CSMD1: variants seen among roughly 807,000 people sequenced by gnomAD.
CSMD1 encodes CUB and Sushi multiple domains 1, also known as CUB and sushi domain-containing protein 1.
CSMD1 carries 213 observed loss-of-function variants against 417.5 expected under a neutral mutation model. The ratio of observed to expected loss-of-function variants is 0.51; its 90% CI spans 0.46 to 0.57. CSMD1 has a LOEUF of 0.57. Among genes scored for constraint, CSMD1 ranks in the 20% least tolerant of loss-of-function variants. The probability of loss-of-function intolerance (pLI) is 0.00; values close to 1 mark genes in which losing one functional copy is unlikely to be tolerated. For missense variants in CSMD1, 6,923 were observed against 4,529.7 expected (o/e 1.53, Z -15.17); for synonymous variants, 2,862 against 1,736.8 (o/e 1.65, Z -16.11).
At chr8:4,115,473 G>C (rs1157185911) in intron 3 of CSMD1, among the ~76,000 whole-genome samples, 1 of 152,002 alleles carries the variant, frequency 6.6e-6, no homozygotes, top group African/African-American at 2.4e-5. Flanking sequence ...TATATATAAT[G>C]CTTTAGACGT....
At chr8:3,438,397 G>A (rs1356303584) in intron 12 of CSMD1, among the ~76,000 whole-genome samples, 1 of 152,082 alleles carries the variant, frequency 6.6e-6, no homozygotes, top group Non-Finnish European at 1.5e-5. Context: ...CCCTCCCGTT[G>A]ACCCTTGATA....
At chr8:3,894,301 G>T (rs1212601674) in intron 5 of CSMD1, among the ~76,000 whole-genome samples, 1 of 152,056 alleles carries the variant, frequency 6.6e-6, no homozygotes, top group East Asian at 1.9e-4. Context: ...TCTCGCTCCA[G>T]TCTCATCTTC....
At chr8:4,991,998 T>TCTCCA (rs1811492751) in intron 1 of CSMD1, among the ~76,000 whole-genome samples, 1 of 151,950 alleles carries the variant, frequency 6.6e-6, no homozygotes, top group Non-Finnish European at 1.5e-5. Flanking sequence ...CGCACACACT[T>TCTCCA]GCGCACAGCA....
At chr8:4,688,787 C>T (rs886662288) in intron 1 of CSMD1, among the ~76,000 whole-genome samples, 3 of 152,174 alleles carry the variant, frequency 2.0e-5, no homozygotes, top group East Asian at 1.9e-4. Context: ...CAAAACTCCC[C>T]GTGCTTTGTG....
chr8:3,447,430 A>C (rs1195707617), intron 12 of CSMD1, among the ~76,000 whole-genome samples: 1 of 152,224 alleles, frequency 6.6e-6, no homozygotes, highest in East Asian at 1.9e-4. Context: ...TTTAGGAGGT[A>C]TTTTTAGATA....
intron 3 of CSMD1, among the ~76,000 whole-genome samples, chr8:4,326,474 G>A (rs1459232761): frequency 6.6e-6 from 1 of 152,148 alleles, no homozygotes; most frequent in East Asian, 1.9e-4. Context: ...CTTGACATAA[G>A]GAAGTATCAA....
intron 1 of CSMD1, among the ~76,000 whole-genome samples, chr8:4,673,108 G>A (rs892696365): frequency 6.6e-6 from 1 of 151,942 alleles, no homozygotes; most frequent in Non-Finnish European, 1.5e-5. Context: ...ATGGTGACAT[G>A]GCACACACAC....
intron 6 of CSMD1, among the ~76,000 whole-genome samples, chr8:3,745,069 C>A (rs1185610250): frequency 6.6e-6 from 1 of 152,156 alleles, no homozygotes; most frequent in African/African-American, 2.4e-5. Flanking sequence ...TGTTAACAAC[C>A]ATTATGGACA....
At position 4,080,000 on chromosome 8, in the gene CSMD1, G is replaced by GGA. The variant is rs545183919; in HGVS notation, c.416-47902_416-47901insTC. 1.7e-3 allele frequency among the ~76,000 whole-genome samples: 249 copies of GGA among 149,112 alleles called. 1 individual carries two copies. The highest frequency in any genetic ancestry group is 5.9e-3 in the African/African-American group (234 of 39,570). The stretch of plus-strand genomic sequence containing the variant: ...ATTAAGAAAATTATGTTCGAATATT[G>GGA]GTGTTTTTTTTTTTTTCTAGATATC... On this transcript the variant is annotated intron_variant, in intron 3 of 69. Coordinates refer to ENST00000635120, the MANE Select transcript of CSMD1 (RefSeq NM_033225.6).
At position 4,352,629 on chromosome 8, in the gene CSMD1, C is replaced by G. The variant is rs550068723; in HGVS notation, c.415+67324G>C. Among the ~76,000 whole-genome samples, 4 of 152,212 alleles carry G rather than the reference C, an allele frequency of 2.6e-5. No individual in the cohort carries two copies. The South Asian group carries it at 8.3e-4, about 32-fold the overall frequency. ...AAAAGTCATTTGCCCCGAGTGACAC[C>G]GAGGAGCTTAACAGCATACTATTTC... On this transcript the variant is annotated intron_variant, in intron 3 of 69. Transcript: ENST00000635120.
chr8:3,320,539 C>T (rs1806082716), intron 23 of CSMD1, among the ~76,000 whole-genome samples: 2 of 152,114 alleles, frequency 1.3e-5, no homozygotes, highest in African/African-American at 4.8e-5. Context: ...TATTCTACAA[C>T]TAATAAATAC....
chr8:3,769,052 G>T (rs779589108), intron 5 of CSMD1, among the ~76,000 whole-genome samples: 1 of 152,216 alleles, frequency 6.6e-6, no homozygotes, highest in African/African-American at 2.4e-5. Flanking sequence ...GGTGTGTTTG[G>T]TTAGAAAGTC....
intron 33 of CSMD1, among the ~76,000 whole-genome samples, chr8:3,194,390 A>G (rs13270816): frequency 0.87 from 132,448 of 151,512 alleles, 58,437 homozygotes; most frequent in Non-Finnish European, 0.94. Context: ...GTTTATTTTC[A>G]GGAGACCATC....
rs1290585569 is a variant in CSMD1, at chr8:3,493,789, T to A, written c.1345-63A>T. ...GGTACTTCCCATGACTTTTAATAGGTATTGCAAATATCTAGTTATACTGTT... is the reference window on the plus strand; with the variant it reads ...GGTACTTCCCATGACTTTTAATAGGAATTGCAAATATCTAGTTATACTGTT... On this transcript the variant is annotated intron_variant, in intron 10 of 69. Transcript: ENST00000635120. The A allele has an allele frequency of 8.2e-6, 11 of 1,345,022 alleles. No homozygotes were observed. In the African/African-American group the frequency reaches 1.6e-4, roughly 20 times the overall value. 83.3% of individuals were successfully genotyped at this position (1,345,022 alleles called of 1,614,324 possible). A position where few individuals can be genotyped will look rare whatever the true frequency, so the allele number is the denominator to read the frequency against.
chr8:4,672,252 A>G (rs1046406999), intron 1 of CSMD1, among the ~76,000 whole-genome samples: 3 of 152,160 alleles, frequency 2.0e-5, no homozygotes, highest in Non-Finnish European at 2.9e-5. Flanking sequence ...CACAGGACAC[A>G]TATCAGGAAG....
chr8:4,190,253 C>CAAAAAA (rs11397581), intron 3 of CSMD1, among the ~76,000 whole-genome samples: 1 of 67,056 alleles, frequency 1.5e-5, no homozygotes, highest in Non-Finnish European at 3.0e-5. Context: ...ACTCCGTCTC[C>CAAAAAA]AAAAAAAAAA....
intron 2 of CSMD1, among the ~76,000 whole-genome samples, chr8:4,448,985 T>G (rs529083936): frequency 1.3e-5 from 2 of 152,312 alleles, no homozygotes; most frequent in Non-Finnish European, 2.9e-5. Flanking sequence ...TACAAATGGA[T>G]AGTAGTCAGT....
At chr8:4,044,102 T>C (rs897605280) in intron 3 of CSMD1, among the ~76,000 whole-genome samples, 2 of 152,150 alleles carry the variant, frequency 1.3e-5, no homozygotes, top group African/African-American at 4.8e-5. Flanking sequence ...GTGATATTAT[T>C]TGATATGATA....
At chr8:4,352,036 T>C (rs57038562) in intron 3 of CSMD1, among the ~76,000 whole-genome samples, 12 of 151,572 alleles carry the variant, frequency 7.9e-5, no homozygotes, top group Non-Finnish European at 1.3e-4. Context: ...TTTAAGTTCA[T>C]TGTGTCCCAG....
Sources: gnomAD v4.1 joint callset for allele counts (sites outside exome capture counted in the v4.1 genomes callset) on GRCh38, gnomAD v4.1.1 for gene constraint, MANE v1.5 for transcripts, NCBI Gene and HGNC (gene_info 2026-07-23, HGNC 2026-07-21) for gene names.